Variants in GAS7 observed in about 807,000 individuals in gnomAD.
GAS7 encodes growth arrest-specific protein 7.
Under a neutral mutation model 71.1 loss-of-function variants are expected in GAS7, and 28 were observed. The ratio of observed to expected loss-of-function variants is 0.39; its 90% CI spans 0.29 to 0.54. The LOEUF is 0.54. Ranked by LOEUF, GAS7 falls within the 20% of genes least tolerant of loss-of-function variation. GAS7 has a pLI of 0.62. For missense variants in GAS7, 436 were observed against 627.8 expected (o/e 0.69, Z 3.27); for synonymous variants, 258 against 245.8 (o/e 1.05, Z -0.46).
chr17:10,191,573 A>G (rs80323103), intron 1 of GAS7, among the ~76,000 whole-genome samples: 1 of 131,034 alleles, frequency 7.6e-6, no homozygotes, highest in South Asian at 2.5e-4. Context: ...AAAAAAAAAA[A>G]GGCAGTAAGG....
chr17:10,080,855 T>C (rs1454034743), intron 1 of GAS7, among the ~76,000 whole-genome samples: 1 of 152,116 alleles, frequency 6.6e-6, no homozygotes, highest in Admixed American at 6.6e-5. Flanking sequence ...AAAGTTACAA[T>C]TAAAATAGTG....
chr17:9,964,006 T>A (rs2069605870), intron 4 of GAS7, among the ~76,000 whole-genome samples: 1 of 152,060 alleles, frequency 6.6e-6, no homozygotes, highest in African/African-American at 2.4e-5. Flanking sequence ...CAGGTAATCG[T>A]TGGGCTTAAC....
At chr17:9,975,502 TA>T (rs2070159255) in intron 3 of GAS7, among the ~76,000 whole-genome samples, 1 of 150,816 alleles carries the variant, frequency 6.6e-6, no homozygotes. Flanking sequence ...CCCTTCCTTC[TA>T]CCCATCCTCC....
intron 1 of GAS7, among the ~76,000 whole-genome samples, chr17:10,046,811 AGG>A (rs2072971459): frequency 7.7e-6 from 1 of 129,088 alleles, no homozygotes; most frequent in Non-Finnish European, 1.6e-5. Context: ...GAAGGAAGGA[AGG>A]AAGGAAGGAA....
At chr17:10,122,952 C>T (rs2073916491) in intron 1 of GAS7, among the ~76,000 whole-genome samples, 1 of 152,178 alleles carries the variant, frequency 6.6e-6, no homozygotes, top group African/African-American at 2.4e-5. Context: ...CCACCTCAGC[C>T]TCCTAAGTAG....
intron 1 of GAS7, among the ~76,000 whole-genome samples, chr17:10,127,150 G>T (rs2073957672): frequency 6.6e-6 from 1 of 152,180 alleles, no homozygotes; most frequent in Admixed American, 6.5e-5. Context: ...ACTGGCTGAT[G>T]CTCCCTGCAT....
At chr17:10,134,956 C>T (rs2074027190) in intron 1 of GAS7, among the ~76,000 whole-genome samples, 1 of 152,086 alleles carries the variant, frequency 6.6e-6, no homozygotes, top group African/African-American at 2.4e-5. Context: ...CCTCAGCCTC[C>T]CAAGTAGCTG....
chr17:10,069,398 C>T (rs1037552484), intron 1 of GAS7, among the ~76,000 whole-genome samples: 2 of 152,234 alleles, frequency 1.3e-5, no homozygotes, highest in African/African-American at 4.8e-5. Context: ...TCCATGTTGG[C>T]CTGTGATCCT....
chr17:10,189,875 G>A (rs1356997449), intron 1 of GAS7, among the ~76,000 whole-genome samples: 1 of 151,260 alleles, frequency 6.6e-6, no homozygotes, highest in Non-Finnish European at 1.5e-5. Context: ...GGAGGTAGAG[G>A]CTGCAGTGAG....
intron 1 of GAS7, among the ~76,000 whole-genome samples, chr17:10,174,198 G>A (rs774186614): frequency 1.3e-5 from 2 of 152,186 alleles, no homozygotes; most frequent in Non-Finnish European, 2.9e-5. Flanking sequence ...GTGTAATATA[G>A]TCTGTGGCTC....
rs139637170 is a variant in GAS7, at chr17:10,037,504, T to C, written c.184-17607A>G. On this transcript the variant is annotated intron_variant, in intron 1 of 13. Coordinates refer to ENST00000432992, the MANE Select transcript of GAS7 (RefSeq NM_201433.2). Reference sequence around the variant, plus strand: ...ATCCTGAGGACCGAGTGGTTCCCTATTAAGCAAATGGATAAACTTATTTAT... The same window carrying C: ...ATCCTGAGGACCGAGTGGTTCCCTACTAAGCAAATGGATAAACTTATTTAT... Among the ~76,000 whole-genome samples, 47 of 152,314 alleles carry C rather than the reference T, an allele frequency of 3.1e-4. No individual in the cohort carries two copies. In the East Asian group the frequency reaches 8.7e-3, roughly 28 times the overall value.
intron 1 of GAS7, among the ~76,000 whole-genome samples, chr17:10,084,940 G>A (rs1233542644): frequency 6.6e-6 from 1 of 152,134 alleles, no homozygotes; most frequent in Non-Finnish European, 1.5e-5. Flanking sequence ...GGCCCCCTCA[G>A]GACACTTCGT....
At chr17:9,990,532 G>A (rs1035496843) in intron 2 of GAS7, among the ~76,000 whole-genome samples, 2 of 152,226 alleles carry the variant, frequency 1.3e-5, no homozygotes, top group Admixed American at 1.3e-4. Context: ...GGAGGTGAGT[G>A]TGTTGGGGGC....
intron 1 of GAS7, among the ~76,000 whole-genome samples, chr17:10,122,464 G>A (rs1597804822): frequency 6.6e-6 from 1 of 152,234 alleles, no homozygotes; most frequent in African/African-American, 2.4e-5. Context: ...AGAACAAAGC[G>A]AGAAAGGCCC....
At chr17:10,022,058 G>A (rs2072291203) in intron 1 of GAS7, among the ~76,000 whole-genome samples, 1 of 152,096 alleles carries the variant, frequency 6.6e-6, no homozygotes, top group South Asian at 2.1e-4. Context: ...AGGAGTTTGA[G>A]ACCAGCCTGG....
intron 2 of GAS7, among the ~76,000 whole-genome samples, chr17:9,998,952 G>A (rs934432081): frequency 1.3e-5 from 2 of 152,132 alleles, no homozygotes; most frequent in African/African-American, 4.8e-5. Context: ...CAGGCCCAGA[G>A]GCCATTAGAC....
chr17:10,168,347 A>T (rs2074310528), intron 1 of GAS7, among the ~76,000 whole-genome samples: 1 of 152,210 alleles, frequency 6.6e-6, no homozygotes, highest in Non-Finnish European at 1.5e-5. Context: ...AAACCCACAA[A>T]TCATCAGAGT....
intron 2 of GAS7, among the ~76,000 whole-genome samples, chr17:9,986,766 C>A (rs970211170): frequency 6.6e-4 from 100 of 152,340 alleles, no homozygotes; most frequent in African/African-American, 2.4e-3. Flanking sequence ...CAAATGGGCC[C>A]CATCAGGGAC....
chr17:9,929,651 G>A (rs112856959), intron 9 of GAS7, among the ~76,000 whole-genome samples: 1,794 of 151,642 alleles, frequency 0.012, 20 homozygotes, highest in Non-Finnish European at 0.016. Context: ...ATTTTTTTTT[G>A]TATTTTTAGT....
Sources: gnomAD v4.1 joint callset for allele counts (sites outside exome capture counted in the v4.1 genomes callset) on GRCh38, gnomAD v4.1.1 for gene constraint, MANE v1.5 for transcripts, NCBI Gene and HGNC (gene_info 2026-07-23, HGNC 2026-07-21) for gene names.